Variants in METTL15 observed in about 807,000 individuals in gnomAD.
The protein encoded by METTL15 is methyltransferase 15, mitochondrial 12S rRNA N4-cytidine, also known as 12S rRNA N(4)-cytidine methyltransferase METTL15.
Under a neutral mutation model 38.3 loss-of-function variants are expected in METTL15, and 34 were observed. The ratio of observed to expected loss-of-function variants is 0.89; its 90% confidence interval spans 0.68 to 1.18. The LOEUF (loss-of-function observed/expected upper bound fraction) is 1.18. METTL15 is among the 50% of genes most tolerant of loss of function. METTL15 has a pLI of 0.00. For synonymous variants in METTL15, 162 were observed against 170.9 expected (o/e 0.95, Z 0.41); for missense variants, 438 against 498.4 (o/e 0.88, Z 1.15).
chr11:28,334,442 T>C (rs761025391), downstream of METTL15, among the ~76,000 whole-genome samples: 2 of 152,122 alleles, frequency 1.3e-5, no homozygotes, highest in South Asian at 2.1e-4. Flanking sequence ...TCCTAATTGA[T>C]ATTTTTGTGT....
At chr11:28,220,735 G>T (rs1435342453) in intron 4 of METTL15, among the ~76,000 whole-genome samples, 1 of 152,110 alleles carries the variant, frequency 6.6e-6, no homozygotes, top group Non-Finnish European at 1.5e-5. Flanking sequence ...CTTCCTTCAG[G>T]AGCTCTTGTA....
chr11:28,153,834 A>G (rs746183772), intron 3 of METTL15, among the ~76,000 whole-genome samples: 1 of 152,144 alleles, frequency 6.6e-6, no homozygotes, highest in Non-Finnish European at 1.5e-5. Flanking sequence ...GATTCTGGAC[A>G]GAGGATCTAA....
intron 3 of METTL15, among the ~76,000 whole-genome samples, chr11:28,153,898 A>C (rs901971556): frequency 2.0e-5 from 3 of 152,164 alleles, no homozygotes; most frequent in Non-Finnish European, 4.4e-5. Context: ...GGATGAGCTA[A>C]GCGCAGAAAT....
At chr11:28,376,739 A>G (rs938468166) in intron 5 of METTL15, among the ~76,000 whole-genome samples, 47 of 145,932 alleles carry the variant, frequency 3.2e-4, no homozygotes, top group African/African-American at 1.2e-3. Context: ...TAGTTGATGC[A>G]GTTTCTTCGT....
At chr11:28,222,617 G>C (rs191793932) in intron 4 of METTL15, among the ~76,000 whole-genome samples, 9 of 152,296 alleles carry the variant, frequency 5.9e-5, no homozygotes, top group African/African-American at 2.2e-4. Flanking sequence ...AGTTGGAAGT[G>C]CAGAAATCAT....
chr11:28,452,156 A>G (rs2133448611), intron 6 of METTL15, among the ~76,000 whole-genome samples: 1 of 152,342 alleles, frequency 6.6e-6, no homozygotes, highest in Non-Finnish European at 1.5e-5. Flanking sequence ...AGAGAAAGCA[A>G]ACATTTTGTG....
intron 3 of METTL15, among the ~76,000 whole-genome samples, chr11:28,207,716 T>G (rs1000276051): frequency 2.0e-5 from 3 of 152,180 alleles, no homozygotes; most frequent in Admixed American, 6.5e-5. Context: ...CTGGTAGAAT[T>G]TGGCTGTGAA....
At chr11:28,291,799 T>G (rs1392991363) in intron 5 of METTL15, among the ~76,000 whole-genome samples, 1 of 152,110 alleles carries the variant, frequency 6.6e-6, no homozygotes, top group Non-Finnish European at 1.5e-5. Context: ...TGAACAAAAC[T>G]TCTAGTTACT....
At position 28,327,993 on chromosome 11, in the gene METTL15, A is replaced by G; in HGVS notation, c.779-2403A>G. The G allele has an allele frequency of 2.1e-5, 27 of 1,280,814 alleles. No homozygotes were observed. In the Middle Eastern group the frequency reaches 1.3e-3, roughly 61 times the overall value. The allele number at this position is 1,280,814 out of a possible 1,614,324, so 79.3% of individuals were successfully genotyped here. A position where few individuals can be genotyped will look rare whatever the true frequency, so the allele number is the denominator to read the frequency against. On this transcript the variant is annotated intron_variant, in intron 6 of 6. Transcript: ENST00000407364. Reference sequence around the variant, plus strand: ...AAGATAATGCTAAGAAATTTTTAAAAAAATTATAGCAAAAATATCCTGCAG... The same window carrying G: ...AAGATAATGCTAAGAAATTTTTAAAGAAATTATAGCAAAAATATCCTGCAG...
At chr11:28,160,144 TGACCTTG>T (rs1850406077) in intron 3 of METTL15, among the ~76,000 whole-genome samples, 3 of 152,110 alleles carry the variant, frequency 2.0e-5, no homozygotes, top group Admixed American at 6.6e-5. Flanking sequence ...GGATGCTTCC[TGACCTTG>T]GACTTCGGAC....
chr11:28,352,047 CTTA>C (rs1010230840), intron 3 of METTL15: 8 of 152,176 alleles, frequency 5.3e-5, no homozygotes, highest in Admixed American at 1.3e-4. Flanking sequence ...GGTAATGTAA[CTTA>C]TTATTCTGTT....
At chr11:28,198,513 A>G (rs1851989457) in intron 3 of METTL15, among the ~76,000 whole-genome samples, 1 of 152,160 alleles carries the variant, frequency 6.6e-6, no homozygotes, top group Non-Finnish European at 1.5e-5. Context: ...CATCATAGTA[A>G]CACCAATACT....
intron 6 of METTL15, among the ~76,000 whole-genome samples, chr11:28,506,316 T>C (rs1184553403): frequency 6.6e-6 from 1 of 152,240 alleles, no homozygotes; most frequent in African/African-American, 2.4e-5. Context: ...AATCATAGAC[T>C]TTGAAATTAG....
chr11:28,407,169 A>C (rs1435088934), intron 5 of METTL15, among the ~76,000 whole-genome samples: 1 of 152,182 alleles, frequency 6.6e-6, no homozygotes, highest in East Asian at 1.9e-4. Context: ...AAATAACTCA[A>C]GATGGATTAA....
chr11:28,295,827 C>A (rs1040277014), intron 5 of METTL15, among the ~76,000 whole-genome samples: 3 of 152,064 alleles, frequency 2.0e-5, no homozygotes, highest in African/African-American at 7.2e-5. Context: ...GTTCTTAAAG[C>A]TACCATACCC....
chr11:28,512,247 A>C (rs939293202), intron 6 of METTL15, among the ~76,000 whole-genome samples: 6 of 152,346 alleles, frequency 3.9e-5, no homozygotes, highest in Non-Finnish European at 8.8e-5. Context: ...TCCCCACCAG[A>C]GTCAGGAGCC....
intron 3 of METTL15, among the ~76,000 whole-genome samples, chr11:28,172,593 T>G (rs1357744684): frequency 6.6e-6 from 1 of 152,218 alleles, no homozygotes; most frequent in East Asian, 1.9e-4. Context: ...CCTTACATTC[T>G]GTTTTACATT....
In METTL15 at chr11:28,160,066, T is replaced by C. The variant is rs528816916; in HGVS notation, c.270+46462T>C. The stretch of plus-strand genomic sequence containing the variant: ...TCATCAGCTGCCAGCATGGCTAGAA[T>C]AAAAGAGCAGGCAGAAAAATGTGAA... On this transcript the variant is annotated intron_variant, in intron 3 of 6. Coordinates refer to ENST00000407364, the MANE Select transcript of METTL15 (RefSeq NM_001113528.2). Among the ~76,000 whole-genome samples the C allele has an allele frequency of 2.0e-5, 3 of 152,020 alleles. No homozygotes were observed. In the South Asian group the frequency reaches 6.2e-4, roughly 32 times the overall value.
At chr11:28,467,031 C>T (rs537289383) in intron 6 of METTL15, among the ~76,000 whole-genome samples, 34 of 152,244 alleles carry the variant, frequency 2.2e-4, no homozygotes, top group Non-Finnish European at 4.3e-4. Flanking sequence ...CTGAAATATC[C>T]CTCTCCCAGA....
Sources: gnomAD v4.1 joint callset for allele counts (sites outside exome capture counted in the v4.1 genomes callset) on GRCh38, gnomAD v4.1.1 for gene constraint, MANE v1.5 for transcripts, NCBI Gene and HGNC (gene_info 2026-07-23, HGNC 2026-07-21) for gene names.